Variants in BORCS5 observed in about 807,000 individuals in gnomAD.
BORCS5 encodes BLOC-1 related complex subunit 5.
Under a neutral mutation model 22.1 loss-of-function variants are expected in BORCS5, and 17 were observed. That is an observed-to-expected ratio of 0.77 (90% CI 0.53 to 1.15). The LOEUF (loss-of-function observed/expected upper bound fraction) is 1.15. Ranked by LOEUF, BORCS5 falls within the 50% of genes most tolerant of loss-of-function variation. BORCS5 has a pLI of 0.00. For synonymous variants in BORCS5, 117 were observed against 99.8 expected (o/e 1.17, Z -1.03); for missense variants, 247 against 253.2 (o/e 0.98, Z 0.17).
At chr12:12,391,635 G>A (rs985287741) in intron 2 of BORCS5, among the ~76,000 whole-genome samples, 2 of 150,482 alleles carry the variant, frequency 1.3e-5, no homozygotes, top group East Asian at 2.0e-4. Flanking sequence ...TGATGCGCCC[G>A]CCTTGGCCTC....
In BORCS5 at chr12:12,431,474, C is replaced by T. The variant is rs1231095083; in HGVS notation, c.203-4154C>T. On this transcript the variant is annotated intron_variant, in intron 2 of 3. Transcript: ENST00000314565. ...CTGGAGTGTGGTGGCATGATCGCGG[C>T]TCACTGCAAGCTCCGCCTCCGGGTT... Among the ~76,000 whole-genome samples, 4 of 142,910 alleles carry T rather than the reference C, an allele frequency of 2.8e-5. No individual in the cohort carries two copies. In the East Asian group the frequency reaches 7.9e-4, roughly 28 times the overall value. 93.8% of individuals were successfully genotyped at this position (142,910 alleles called of 152,430 possible).
chr12:12,364,104 A>G (rs1312445374), intron 2 of BORCS5, among the ~76,000 whole-genome samples: 5 of 152,268 alleles, frequency 3.3e-5, no homozygotes, highest in Admixed American at 1.3e-4. Context: ...GGCCAGGCAC[A>G]GTGGCTCATG....
At chr12:12,391,812 G>A (rs370276174) in intron 2 of BORCS5, among the ~76,000 whole-genome samples, 11 of 144,608 alleles carry the variant, frequency 7.6e-5, no homozygotes, top group Middle Eastern at 3.6e-3. Context: ...TGGGCAGATC[G>A]CTTGAGCTCA....
chr12:12,390,326 T>C (rs1244585740), intron 2 of BORCS5, among the ~76,000 whole-genome samples: 3 of 152,132 alleles, frequency 2.0e-5, no homozygotes, highest in Non-Finnish European at 4.4e-5. Context: ...TTCATTATCT[T>C]TTTTACCTTT....
intron 2 of BORCS5, among the ~76,000 whole-genome samples, chr12:12,366,282 A>G (rs200151211): frequency 1.3e-4 from 20 of 152,252 alleles, no homozygotes; most frequent in Middle Eastern, 3.2e-3. Flanking sequence ...ATAATGTCAT[A>G]TGATGTAATG....
intron 2 of BORCS5, among the ~76,000 whole-genome samples, chr12:12,404,980 C>A (rs781684797): frequency 6.6e-5 from 10 of 152,324 alleles, no homozygotes; most frequent in Middle Eastern, 3.4e-3. Context: ...GCATTACAGG[C>A]ATGAGCCACC....
At chr12:12,431,400 A>ATTTTTTTT (rs371924998) in intron 2 of BORCS5, among the ~76,000 whole-genome samples, 1 of 109,780 alleles carries the variant, frequency 9.1e-6, no homozygotes, top group African/African-American at 3.6e-5. Context: ...TCTTTTGCTA[A>ATTTTTTTT]TTCTTTTTTT....
At chr12:12,389,587 C>A (rs1342296274) in intron 2 of BORCS5, among the ~76,000 whole-genome samples, 1 of 152,096 alleles carries the variant, frequency 6.6e-6, no homozygotes, top group Non-Finnish European at 1.5e-5. Context: ...CAGGTATGAG[C>A]TCCTCAGCTT....
At chr12:12,427,818 A>G (rs1942327462) in intron 2 of BORCS5, among the ~76,000 whole-genome samples, 1 of 152,172 alleles carries the variant, frequency 6.6e-6, no homozygotes, top group Non-Finnish European at 1.5e-5. Flanking sequence ...GGGAACAGAA[A>G]GAGTGAGGGG....
intron 3 of BORCS5, among the ~76,000 whole-genome samples, chr12:12,458,533 C>T (rs966633136): frequency 2.0e-5 from 3 of 150,928 alleles, no homozygotes; most frequent in African/African-American, 7.3e-5. Context: ...GAAATGTTCT[C>T]AGTCTGCTGC....
chr12:12,398,694 T>C (rs755884358), intron 2 of BORCS5, among the ~76,000 whole-genome samples: 2 of 152,194 alleles, frequency 1.3e-5, no homozygotes, highest in Non-Finnish European at 2.9e-5. Flanking sequence ...AATGAGAATT[T>C]CCAAACACTA....
At chr12:12,444,240 C>G (rs890568100) in intron 3 of BORCS5, among the ~76,000 whole-genome samples, 5 of 152,190 alleles carry the variant, frequency 3.3e-5, no homozygotes, top group African/African-American at 1.2e-4. Context: ...GTAGAGTAAG[C>G]TAGGCTACAG....
At chr12:12,397,939 G>A (rs1189507127) in intron 2 of BORCS5, among the ~76,000 whole-genome samples, 3 of 152,240 alleles carry the variant, frequency 2.0e-5, no homozygotes, top group East Asian at 1.9e-4. Flanking sequence ...TCTTGTTACC[G>A]AAAGCAGAGA....
chr12:12,407,582 A>G (rs1420898979), intron 2 of BORCS5, among the ~76,000 whole-genome samples: 3 of 151,964 alleles, frequency 2.0e-5, no homozygotes, highest in African/African-American at 7.3e-5. Flanking sequence ...ATGACCTTCC[A>G]TCTCCGGAAC....
chr12:12,395,704 G>T (rs368822503), intron 2 of BORCS5, among the ~76,000 whole-genome samples: 9 of 152,004 alleles, frequency 5.9e-5, no homozygotes, highest in Non-Finnish European at 1.2e-4. Flanking sequence ...AGGGAGCAGG[G>T]TATTAACATG....
intron 3 of BORCS5, among the ~76,000 whole-genome samples, chr12:12,450,683 G>GA (rs1942891097): frequency 6.6e-6 from 1 of 152,146 alleles, no homozygotes; most frequent in African/African-American, 2.4e-5. Flanking sequence ...TAGCTCTTTA[G>GA]AAAAAATAGG....
At chr12:12,423,004 T>A (rs1942179300) in intron 2 of BORCS5, among the ~76,000 whole-genome samples, 1 of 151,430 alleles carries the variant, frequency 6.6e-6, no homozygotes, top group Non-Finnish European at 1.5e-5. Flanking sequence ...ATTTTTTATT[T>A]ATTTTTTTAT....
chr12:12,361,709 G>T (rs143029726), intron 2 of BORCS5, among the ~76,000 whole-genome samples: 2 of 152,244 alleles, frequency 1.3e-5, no homozygotes, highest in East Asian at 1.9e-4. Flanking sequence ...GAATGAATGA[G>T]GTTGGAAATG....
At chr12:12,459,568 C>T (rs1943064835) in intron 3 of BORCS5, among the ~76,000 whole-genome samples, 1 of 152,192 alleles carries the variant, frequency 6.6e-6, no homozygotes, top group African/African-American at 2.4e-5. Flanking sequence ...TCTCAGCCTC[C>T]CAAAGCTCTG....
Sources: allele counts gnomAD v4.1 joint callset (sites outside exome capture counted in the v4.1 genomes callset), GRCh38; gene constraint gnomAD v4.1.1; transcripts MANE v1.5; gene names NCBI Gene and HGNC (gene_info 2026-07-23, HGNC 2026-07-21).